Variants in ZNF765 observed in about 807,000 individuals in gnomAD.
The protein encoded by ZNF765 is zinc finger protein 765.
In ZNF765, 37 loss-of-function variants were observed where a neutral mutation model predicts 44.7. The ratio of observed to expected loss-of-function variants is 0.83; its 90% CI spans 0.64 to 1.09. The LOEUF (loss-of-function observed/expected upper bound fraction) is 1.09, where lower values mean the gene tolerates loss of function less well. Among genes scored for constraint, ZNF765 ranks in the 50% least tolerant of loss-of-function variants. ZNF765 has a pLI of 0.00. For synonymous variants in ZNF765, 201 were observed against 213.7 expected, an observed-to-expected ratio of 0.94 and a Z score of 0.52; for missense variants, 594 against 626.1, an observed-to-expected ratio of 0.95 and a Z score of 0.55.
At chr19:53,414,901 A>C (rs1176202943), downstream of ZNF765, among the ~76,000 whole-genome samples, 1 of 152,150 alleles carries the variant, frequency 6.6e-6, no homozygotes, top group Non-Finnish European at 1.5e-5. Context: ...CTGCAATGAC[A>C]TGGTTTATTC....
At chr19:53,406,277 C>T (rs560664689) in intron 3 of ZNF765, among the ~76,000 whole-genome samples, 2 of 151,984 alleles carry the variant, frequency 1.3e-5, no homozygotes, top group East Asian at 3.9e-4. Context: ...GATCTGCCCA[C>T]CTCAGCCTCC....
At chr19:53,404,886 AT>A (rs1278408080) in intron 3 of ZNF765, among the ~76,000 whole-genome samples, 1 of 152,164 alleles carries the variant, frequency 6.6e-6, no homozygotes, top group African/African-American at 2.4e-5. Flanking sequence ...TGATGATGAG[AT>A]GCTCCTGTTC....
intron 2 of ZNF765, among the ~76,000 whole-genome samples, 166 bp downstream of exon 2, chr19:53,398,196 A>G (rs969659561): frequency 9.9e-5 from 15 of 152,142 alleles, no homozygotes; most frequent in Admixed American, 2.6e-4. Context: ...TCCATCTCCC[A>G]TGATCCAGTG....
intron 2 of ZNF765, among the ~76,000 whole-genome samples, chr19:53,399,292 G>A (rs1455292681): frequency 7.9e-6 from 1 of 126,190 alleles, no homozygotes; most frequent in East Asian, 2.4e-4. Context: ...ACATCACATA[G>A]TGAATATATT....
At chr19:53,397,921 A>G (rs959658090) in intron 1 of ZNF765, 22 bp from the exon 2 acceptor site, 106 of 1,575,266 alleles carry the variant, frequency 6.7e-5, no homozygotes, top group Non-Finnish European at 8.6e-5. Context: ...TGAGCAATAA[A>G]CAACATATTT....
intron 3 of ZNF765, among the ~76,000 whole-genome samples, chr19:53,422,548 GTTTATT>G (rs747107317): frequency 3.2e-4 from 48 of 152,170 alleles, no homozygotes; most frequent in African/African-American, 8.4e-4. Context: ...TTTCAGCTGG[GTTTATT>G]TTTATTTTTA....
intron 3 of ZNF765, among the ~76,000 whole-genome samples, chr19:53,421,865 C>T (rs1037644625): frequency 2.0e-5 from 3 of 152,110 alleles, no homozygotes; most frequent in African/African-American, 7.2e-5. Context: ...TAGTGTTTCA[C>T]GTCATGTAGT....
At chr19:53,396,028 T>A (rs1288208088) in intron 1 of ZNF765, among the ~76,000 whole-genome samples, 7 of 146,512 alleles carry the variant, frequency 4.8e-5, no homozygotes, top group Admixed American at 2.7e-4. Context: ...GAAAAGCAAC[T>A]GGAGAAATGT....
Position 53,409,169 on chromosome 19 carries a change from G to A in ZNF765, c.*42G>A. On this transcript the variant is annotated 3_prime_UTR_variant, in exon 4 of 4. Coordinates refer to ENST00000396408, the MANE Select transcript of ZNF765 (RefSeq NM_001040185.3). ...TTCAATCAGGAGTTAACCCTTACATGCCATCGTAGGCTTCATAGTGGAGAG... is the reference window on the plus strand; with the variant it reads ...TTCAATCAGGAGTTAACCCTTACATACCATCGTAGGCTTCATAGTGGAGAG... The A allele has an allele frequency of 6.7e-7, 1 of 1,498,066 alleles. No individual in the cohort carries two copies. Among genetic ancestry groups the A allele is most frequent in the Non-Finnish European group, 9.3e-7 (1 of 1,076,248 alleles). 92.8% of individuals were successfully genotyped at this position (1,498,066 alleles called of 1,614,324 possible).
rs544298470 is a variant in ZNF765 at position 53,421,511 on chromosome 19, A to T, written c.143-1551A>T. On this transcript the variant is annotated intron_variant, in intron 3 of 3. Transcript: ENST00000594030. Reference sequence around the variant, plus strand: ...CAGAAAATAGACATAATTTAATTTTATTTATTTATTTTTTTTTTTTGAGAC... The same window carrying T: ...CAGAAAATAGACATAATTTAATTTTTTTTATTTATTTTTTTTTTTTGAGAC... Among the ~76,000 whole-genome samples the T allele has an allele frequency of 3.0e-3, 397 of 132,466 alleles. 1 individual carries two copies. The highest frequency in any genetic ancestry group is 4.7e-3 in the Non-Finnish European group (293 of 61,752). 86.9% of individuals were successfully genotyped at this position (132,466 alleles called of 152,430 possible). A position where few individuals can be genotyped will look rare whatever the true frequency, so the allele number is the denominator to read the frequency against.
chr19:53,402,406 A>G (rs1003868042), intron 3 of ZNF765, among the ~76,000 whole-genome samples: 8 of 151,450 alleles, frequency 5.3e-5, no homozygotes, highest in Admixed American at 1.3e-4. Context: ...ACAGGCACCC[A>G]CCAACATGCC....
intron 3 of ZNF765, 128 bp downstream of exon 3, chr19:53,402,319 T>C (rs1309568788): frequency 6.8e-6 from 10 of 1,465,378 alleles, no homozygotes; most frequent in Admixed American, 4.6e-5. Flanking sequence ...TGCTGTGGCA[T>C]GATCTCGGCT....
intron 2 of ZNF765, among the ~76,000 whole-genome samples, chr19:53,399,478 A>T (rs1032371226): frequency 6.6e-6 from 1 of 151,786 alleles, no homozygotes; most frequent in African/African-American, 2.4e-5. Flanking sequence ...ATCATATGAG[A>T]CTTTAGAAAA....
chr19:53,395,553 G>A (rs971793024), intron 1 of ZNF765, among the ~76,000 whole-genome samples: 3 of 152,228 alleles, frequency 2.0e-5, no homozygotes, highest in African/African-American at 4.8e-5. Flanking sequence ...GCAGCTGGAC[G>A]CAGCGCGGCG....
At chr19:53,397,584 C>T (rs1330801179) in intron 1 of ZNF765, among the ~76,000 whole-genome samples, 1 of 152,138 alleles carries the variant, frequency 6.6e-6, no homozygotes, top group Non-Finnish European at 1.5e-5. Context: ...GGTTTCACCA[C>T]GTTGCCCAGG....
intron 3 of ZNF765, among the ~76,000 whole-genome samples, chr19:53,417,162 G>A (rs1662405861): frequency 6.6e-6 from 1 of 152,138 alleles, no homozygotes; most frequent in African/African-American, 2.4e-5. Context: ...AGGGGTACAT[G>A]TGCAGGTCTG....
chr19:53,419,565 TAAAAG>T (rs2085895317), intron 3 of ZNF765, among the ~76,000 whole-genome samples: 1 of 152,202 alleles, frequency 6.6e-6, no homozygotes, highest in African/African-American at 2.4e-5. Context: ...TTGTCTGGCT[TAAAAG>T]AAAGTCTAAT....
downstream of ZNF765, among the ~76,000 whole-genome samples, chr19:53,414,491 C>CA (rs1568786159): frequency 5.1e-3 from 80 of 15,554 alleles, 13 homozygotes; most frequent in Non-Finnish European, 0.01. Flanking sequence ...ACACACACAC[C>CA]CCCCCCCCCC....
At chr19:53,418,718 C>T (rs941115807) in intron 3 of ZNF765, among the ~76,000 whole-genome samples, 4 of 151,694 alleles carry the variant, frequency 2.6e-5, no homozygotes, top group African/African-American at 7.3e-5. Flanking sequence ...CCAGCCTGCC[C>T]GACATGGCAA....
Sources: allele counts gnomAD v4.1 joint callset (sites outside exome capture counted in the v4.1 genomes callset), GRCh38; gene constraint gnomAD v4.1.1; transcripts MANE v1.5; gene names NCBI Gene and HGNC (gene_info 2026-07-23, HGNC 2026-07-21).